Variants in KIF24 observed in about 807,000 individuals in gnomAD.
KIF24 encodes the protein kinesin family member 24.
In KIF24, 81 loss-of-function variants were observed where a neutral mutation model predicts 118.9. That is an observed-to-expected ratio of 0.68 (90% CI 0.57 to 0.82). The LOEUF is 0.82. Ranked by LOEUF, KIF24 falls within the 40% of genes least tolerant of loss-of-function variation. KIF24 has a pLI of 0.00. For missense variants in KIF24, 1,560 were observed against 1,661.6 expected (o/e 0.94, Z 1.06); for synonymous variants, 599 against 610.0 (o/e 0.98, Z 0.27).
Position 34,318,774 on chromosome 9 carries a change from G to T in KIF24, c.-25-7403C>A. 5.9e-6 allele frequency: 9 copies of T among 1,528,978 alleles called. No homozygotes were observed. The South Asian group carries it at 9.1e-5, about 15-fold the overall frequency. 94.7% of individuals were successfully genotyped at this position (1,528,978 alleles called of 1,614,324 possible). On this transcript the variant is annotated intron_variant, in intron 1 of 12. Transcript: ENST00000402558. The surrounding 1 kb of genome is among the most constrained non-coding windows in gnomAD (Gnocchi z 4.9). ...CGTTCACTCAGCAACTCCACCGCGC[G>T]CAACGTGACCTGGAAGCTGTGCAGT...
intron 6 of KIF24, among the ~76,000 whole-genome samples, chr9:34,280,262 C>T (rs911142821): frequency 1.5e-4 from 18 of 120,074 alleles, no homozygotes; most frequent in Non-Finnish European, 2.5e-4. Flanking sequence ...CCAACCTGGG[C>T]GACAGGGCGA....
chr9:34,316,093 T>C (rs1837319371), intron 1 of KIF24, among the ~76,000 whole-genome samples: 1 of 152,064 alleles, frequency 6.6e-6, no homozygotes, highest in Admixed American at 6.5e-5. Context: ...GGCTCATGCC[T>C]ATAATCCCAG....
chr9:34,310,684 GCTACTTTCC>G, intron 2 of KIF24, 31 bp downstream of exon 2: 1 of 1,512,532 alleles, frequency 6.6e-7, no homozygotes, highest in East Asian at 2.3e-5. Flanking sequence ...CTTGCCTGAG[GCTACTTTCC>G]CTCAAAAGAA....
intron 4 of KIF24, among the ~76,000 whole-genome samples, chr9:34,292,173 G>C (rs1014584671): frequency 1.3e-5 from 2 of 152,144 alleles, no homozygotes; most frequent in African/African-American, 4.8e-5. Context: ...GTAAAATGCA[G>C]TTCACTGGGC....
At chr9:34,272,804 TG>T (rs1466547626) in intron 6 of KIF24, among the ~76,000 whole-genome samples, 2 of 152,172 alleles carry the variant, frequency 1.3e-5, no homozygotes, top group East Asian at 3.8e-4. Context: ...AAAAATTTTT[TG>T]TAGAGACATG....
At chr9:34,326,246 G>A (rs141572710) in intron 1 of KIF24, among the ~76,000 whole-genome samples, 2 of 152,088 alleles carry the variant, frequency 1.3e-5, no homozygotes, top group South Asian at 4.1e-4. Flanking sequence ...CAGCTACTTG[G>A]GGGGCTGAGG....
rs1443113110 is a variant in KIF24, at chr9:34,285,912, G to A, written c.1215+705C>T. Among the ~76,000 whole-genome samples the A allele has an allele frequency of 3.0e-5, 4 of 131,682 alleles. No homozygotes were observed. In the Admixed American group the frequency reaches 3.4e-4, roughly 11 times the overall value. 86.4% of individuals were successfully genotyped at this position (131,682 alleles called of 152,430 possible). A position where few individuals can be genotyped will look rare whatever the true frequency, so the allele number is the denominator to read the frequency against. ...CCTCTATACTCCAGCCTGGGCAACA[G>A]AGCAAGACCCTGTTGCTTAAAAAAA... On this transcript the variant is annotated intron_variant, in intron 6 of 12. Transcript: ENST00000402558.
At chr9:34,315,238 A>G (rs1185819992) in intron 1 of KIF24, among the ~76,000 whole-genome samples, 1 of 152,044 alleles carries the variant, frequency 6.6e-6, no homozygotes. Context: ...AAAATTATAT[A>G]TATTTCTAAT....
At chr9:34,331,298 A>G (rs1052025563), upstream of KIF24, among the ~76,000 whole-genome samples, 6 of 152,260 alleles carry the variant, frequency 3.9e-5, no homozygotes, top group Admixed American at 3.3e-4. Context: ...GGGTAACAGT[A>G]ACTCATATAT....
At chr9:34,285,774 CAAA>C (rs59097671) in intron 6 of KIF24, among the ~76,000 whole-genome samples, 1 of 65,062 alleles carries the variant, frequency 1.5e-5, no homozygotes, top group Admixed American at 1.9e-4. Flanking sequence ...GACTCCATCT[CAAA>C]AAAAAAAAAA....
intron 7 of KIF24, among the ~76,000 whole-genome samples, chr9:34,270,311 T>G (rs1835454575): frequency 6.6e-6 from 1 of 151,110 alleles, no homozygotes; most frequent in South Asian, 2.1e-4. Context: ...GGTCAGGAGA[T>G]CGAGACCCTC....
At chr9:34,321,714 C>G (rs1215814330) in intron 1 of KIF24, among the ~76,000 whole-genome samples, 1 of 151,480 alleles carries the variant, frequency 6.6e-6, no homozygotes, top group East Asian at 1.9e-4. Context: ...TCAACCAATC[C>G]TCCTGCTTCA....
At position 34,318,651 on chromosome 9, in the gene KIF24, TG is replaced by T; in HGVS notation, c.-25-7281del. 1 of 1,542,280 alleles carries T rather than the reference TG, an allele frequency of 6.5e-7. No individual in the cohort carries two copies. The highest frequency in any genetic ancestry group is 8.8e-7 in the Non-Finnish European group (1 of 1,135,172). ...GCCTCGTCGTTGGGGCTCGTGTCGCTGGGCGGCAAGGCGACCACGGCGTCGG... is the reference window on the plus strand; with the variant it reads ...GCCTCGTCGTTGGGGCTCGTGTCGCTGGCGGCAAGGCGACCACGGCGTCGG... On this transcript the variant is annotated intron_variant, in intron 1 of 12. Transcript: ENST00000402558. This position sits in a 1 kb window ranked among gnomAD's most constrained non-coding sequence, Gnocchi z 4.9.
chr9:34,271,791 C>T lies in KIF24; in HGVS notation c.1337+18G>A. 1 of 1,612,000 alleles carries T rather than the reference C, an allele frequency of 6.2e-7. No individual in the cohort carries two copies. The highest frequency in any genetic ancestry group is 8.5e-7 in the Non-Finnish European group (1 of 1,179,152). On this transcript the variant is annotated intron_variant, in intron 7 of 12. Transcript: ENST00000402558. ...AAGGAAAGGCAGACAATGTAACTCCCTGATATTTCCAGCTCACCTGCCAAA... is the reference window on the plus strand; with the variant it reads ...AAGGAAAGGCAGACAATGTAACTCCTTGATATTTCCAGCTCACCTGCCAAA...
rs1836209270 is a variant in KIF24 at position 34,290,341 on chromosome 9, G to C, written c.960C>G (p.Thr320=). 1 of 1,613,724 alleles carries C rather than the reference G, an allele frequency of 6.2e-7. No individual in the cohort carries two copies. Among genetic ancestry groups the C allele is most frequent in the Admixed American group, 1.7e-5 (1 of 60,000 alleles). The change falls in exon 5 of 13, where the codon ACC becomes ACG. Residue 320 remains threonine (T), a synonymous_variant. Coordinates refer to ENST00000402558, the MANE Select transcript of KIF24 (RefSeq NM_194313.4). ...FAYGQTGAGK[T]YTMIGTHENP... ...TCTCATGAGTTCCTATCATGGTGTA[G>C]GTCTTTCCAGCACCTGTCTGTCCAT... is the stretch of plus-strand genomic sequence containing the variant.
At position 34,276,509 on chromosome 9, in the gene KIF24, G is replaced by A. The variant is rs371385031; in HGVS notation, c.1216-4579C>T. ...AACATAGTCACAGTTTCCAAATTAA[G>A]AATCCAAAAGTTGACAGAGCCAAAC... is the stretch of plus-strand genomic sequence containing the variant. On this transcript the variant is annotated intron_variant, in intron 6 of 12. Transcript: ENST00000402558. Among the ~76,000 whole-genome samples the A allele has an allele frequency of 2.0e-4, 30 of 150,282 alleles. No homozygotes were observed. In the East Asian group the frequency reaches 5.7e-3, roughly 28 times the overall value.
At chr9:34,309,968 A>AC (rs139962629) in intron 2 of KIF24, among the ~76,000 whole-genome samples, 29,042 of 116,508 alleles carry the variant, frequency 0.25, 3,053 homozygotes, top group East Asian at 0.49. Flanking sequence ...AACAAGGAGT[A>AC]CTTTTTTTTT....
At chr9:34,309,540 C>CAAAAAAAA (rs397960934) in intron 2 of KIF24, among the ~76,000 whole-genome samples, 3 of 65,246 alleles carry the variant, frequency 4.6e-5, no homozygotes, top group Non-Finnish European at 9.4e-5. Context: ...GACTCCGTCT[C>CAAAAAAAA]AAAAAAAAAA....
intron 3 of KIF24, among the ~76,000 whole-genome samples, chr9:34,303,224 T>C (rs1431476349): frequency 6.6e-6 from 1 of 152,130 alleles, no homozygotes; most frequent in Non-Finnish European, 1.5e-5. Context: ...CTGTATTTTT[T>C]CTGAAGAAAT....
Sources: allele counts gnomAD v4.1 joint callset (sites outside exome capture counted in the v4.1 genomes callset), GRCh38; gene constraint gnomAD v4.1.1; non-coding constraint Gnocchi (gnomAD v3.1); transcripts MANE v1.5; gene names NCBI Gene and HGNC (gene_info 2026-07-23, HGNC 2026-07-21).